Variants in CA8 observed in about 807,000 individuals in gnomAD.
The protein encoded by CA8 is carbonic anhydrase 8 (inactive).
In CA8, 22 loss-of-function variants were observed where a neutral mutation model predicts 41.4. The observed-to-expected ratio is 0.53, with a 90% CI of 0.38 to 0.76. CA8 has a LOEUF of 0.76. Among genes scored for constraint, CA8 ranks in the 30% least tolerant of loss-of-function variants. The pLI is 0.00. For missense variants in CA8, 270 were observed against 352.8 expected (o/e 0.77, Z 1.88); for synonymous variants, 121 against 130.6 (o/e 0.93, Z 0.50).
intron 7 of CA8, among the ~76,000 whole-genome samples, chr8:60,215,178 T>C (rs1377402426): frequency 6.6e-6 from 1 of 152,188 alleles, no homozygotes; most frequent in Non-Finnish European, 1.5e-5. Flanking sequence ...AAAATTTCTG[T>C]TGTTAGATTT....
intron 8 of CA8, among the ~76,000 whole-genome samples, chr8:60,204,470 A>G (rs527851736): frequency 5.8e-4 from 88 of 152,354 alleles, no homozygotes; most frequent in African/African-American, 2.0e-3. Flanking sequence ...TTTCTAAAAC[A>G]TAAAAAGGAA....
At chr8:60,271,301 T>C (rs1804064002) in intron 2 of CA8, among the ~76,000 whole-genome samples, 1 of 150,610 alleles carries the variant, frequency 6.6e-6, no homozygotes, top group Non-Finnish European at 1.5e-5. Context: ...ATGACTGTAC[T>C]CCAGCGTGGC....
intron 2 of CA8, among the ~76,000 whole-genome samples, chr8:60,274,639 C>T (rs973093776): frequency 6.6e-5 from 10 of 152,164 alleles, no homozygotes; most frequent in Admixed American, 4.6e-4. Flanking sequence ...TCCAGGGAGC[C>T]TGTTTGACCC....
intron 3 of CA8, among the ~76,000 whole-genome samples, chr8:60,261,999 T>C (rs2130583763): frequency 6.6e-6 from 1 of 152,324 alleles, no homozygotes; most frequent in East Asian, 1.9e-4. Flanking sequence ...TGTGAGCCAC[T>C]GTGCCCAGCC....
intron 2 of CA8, among the ~76,000 whole-genome samples, chr8:60,270,246 G>C (rs1290808144): frequency 6.6e-6 from 1 of 152,172 alleles, no homozygotes; most frequent in Non-Finnish European, 1.5e-5. Context: ...AGCCTAACCA[G>C]TAAGAAAGCT....
At chr8:60,240,672 C>A (rs1471773545) in intron 3 of CA8, among the ~76,000 whole-genome samples, 2 of 151,856 alleles carry the variant, frequency 1.3e-5, no homozygotes, top group Non-Finnish European at 2.9e-5. Flanking sequence ...GGGAAAAAAT[C>A]ATCAAGAACA....
intron 2 of CA8, among the ~76,000 whole-genome samples, chr8:60,276,226 G>A (rs1420414611): frequency 1.3e-5 from 2 of 152,096 alleles, no homozygotes; most frequent in Non-Finnish European, 2.9e-5. Context: ...CGGCATCCAG[G>A]AAACATCCGA....
chr8:60,266,128 TC>T (rs1803894879), intron 2 of CA8, 79 bp from the exon 3 acceptor site: 1 of 1,088,182 alleles, frequency 9.2e-7, no homozygotes, highest in East Asian at 2.5e-5. Flanking sequence ...TTTTTTTTTT[TC>T]CACCAAAATG....
intron 2 of CA8, among the ~76,000 whole-genome samples, chr8:60,271,090 C>T (rs546681086): frequency 3.0e-4 from 45 of 152,154 alleles, no homozygotes; most frequent in Non-Finnish European, 5.3e-4. Flanking sequence ...CACCTGTAAT[C>T]CCGGTTCTAA....
At chr8:60,194,433 T>C (rs1025628474) in intron 8 of CA8, among the ~76,000 whole-genome samples, 1 of 152,130 alleles carries the variant, frequency 6.6e-6, no homozygotes, top group African/African-American at 2.4e-5. Context: ...CCCCAGAAGA[T>C]ACTTCCAGCT....
At chr8:60,194,653 TG>T (rs1272705396) in intron 8 of CA8, among the ~76,000 whole-genome samples, 1 of 152,186 alleles carries the variant, frequency 6.6e-6, no homozygotes, top group Non-Finnish European at 1.5e-5. Flanking sequence ...CCAATACAGA[TG>T]TCTTTAGCCT....
chr8:60,226,267 C>A (rs1159908916), intron 5 of CA8, among the ~76,000 whole-genome samples: 1 of 151,892 alleles, frequency 6.6e-6, no homozygotes, highest in Non-Finnish European at 1.5e-5. Context: ...ACTCTTTGCT[C>A]CTGGGATATA....
intron 8 of CA8, among the ~76,000 whole-genome samples, chr8:60,192,930 ACAT>A: frequency 8.4e-6 from 1 of 118,460 alleles, no homozygotes; most frequent in East Asian, 2.4e-4. Flanking sequence ...CCTCCTGTCA[ACAT>A]CATGCACACA....
chr8:60,277,030 G>C (rs1804259568), intron 2 of CA8, among the ~76,000 whole-genome samples: 1 of 150,866 alleles, frequency 6.6e-6, no homozygotes, highest in Non-Finnish European at 1.5e-5. Context: ...TGAGGCAAGA[G>C]AATCACTTGA....
intron 3 of CA8, among the ~76,000 whole-genome samples, chr8:60,242,704 C>A (rs1808076515): frequency 6.6e-6 from 1 of 152,232 alleles, no homozygotes; most frequent in Admixed American, 6.5e-5. Flanking sequence ...GGAGACCAGA[C>A]TGTCTATCGT....
chr8:60,210,789 A>C (rs1231594025), intron 7 of CA8, among the ~76,000 whole-genome samples: 1 of 152,228 alleles, frequency 6.6e-6, no homozygotes, highest in Admixed American at 6.5e-5. Context: ...CCAGTCAGAT[A>C]AGCAATCAGC....
chr8:60,200,640 A>G (rs1457071564), intron 8 of CA8, among the ~76,000 whole-genome samples: 2 of 152,172 alleles, frequency 1.3e-5, no homozygotes, highest in Non-Finnish European at 2.9e-5. Flanking sequence ...TCAGTTTTCC[A>G]GGGCCCATTT....
At chr8:60,194,282 T>C (rs1163678753) in intron 8 of CA8, among the ~76,000 whole-genome samples, 1 of 152,172 alleles carries the variant, frequency 6.6e-6, no homozygotes. Flanking sequence ...ACTGTTCATA[T>C]CTGGGACTGG....
intron 8 of CA8, among the ~76,000 whole-genome samples, chr8:60,199,234 A>G (rs1403397246): frequency 2.0e-5 from 3 of 152,156 alleles, no homozygotes; most frequent in African/African-American, 7.2e-5. Flanking sequence ...CCCTTTGGGC[A>G]TTAGGCAGGA....
Sources: gnomAD v4.1 joint callset for allele counts (sites outside exome capture counted in the v4.1 genomes callset) on GRCh38, gnomAD v4.1.1 for gene constraint, MANE v1.5 for transcripts, NCBI Gene and HGNC (gene_info 2026-07-23, HGNC 2026-07-21) for gene names.